PPP1R9A: variants seen among roughly 807,000 people sequenced by gnomAD.
PPP1R9A encodes protein phosphatase 1 regulatory subunit 9A, also known as neurabin-1.
PPP1R9A carries 59 observed loss-of-function variants against 141.9 expected under a neutral mutation model. The ratio of observed to expected loss-of-function variants is 0.42; its 90% CI spans 0.34 to 0.52. PPP1R9A has a LOEUF of 0.52. Ranked by LOEUF, PPP1R9A falls within the 20% of genes least tolerant of loss-of-function variation. The pLI is 0.10. For synonymous variants in PPP1R9A, 500 were observed against 569.7 expected, an observed-to-expected ratio of 0.88 and a Z score of 1.74; for missense variants, 1,444 against 1,611.9, an observed-to-expected ratio of 0.90 and a Z score of 1.78.
At chr7:95,069,660 G>A (rs1323650251) in intron 2 of PPP1R9A, among the ~76,000 whole-genome samples, 1 of 152,126 alleles carries the variant, frequency 6.6e-6, no homozygotes, top group Non-Finnish European at 1.5e-5. Flanking sequence ...AGTTAGATTA[G>A]TAGCAGTCAG....
intron 4 of PPP1R9A, among the ~76,000 whole-genome samples, chr7:95,124,579 T>G (rs1465444289): frequency 6.6e-6 from 1 of 152,114 alleles, no homozygotes; most frequent in Non-Finnish European, 1.5e-5. Flanking sequence ...CCCGAGGAAA[T>G]TACTTGTCAG....
chr7:94,921,931 C>G (rs1792891724), intron 2 of PPP1R9A, among the ~76,000 whole-genome samples: 1 of 151,922 alleles, frequency 6.6e-6, no homozygotes. Context: ...AGCCACCACA[C>G]TCCAGCCTGG....
intron 2 of PPP1R9A, among the ~76,000 whole-genome samples, chr7:95,056,673 A>G (rs1269930957): frequency 2.6e-5 from 4 of 152,142 alleles, no homozygotes; most frequent in Non-Finnish European, 5.9e-5. Flanking sequence ...GTGATAGTCA[A>G]GTTTGCCTGA....
In PPP1R9A at chr7:95,252,531, A is replaced by T. The variant is rs537399704; in HGVS notation, c.2665+401A>T. Among the ~76,000 whole-genome samples the T allele has an allele frequency of 1.2e-4, 17 of 144,682 alleles. No homozygotes were observed. In the South Asian group the frequency reaches 2.4e-3, roughly 20 times the overall value. The allele number at this position is 144,682 out of a possible 152,430, so 94.9% of individuals were successfully genotyped here. A position where few individuals can be genotyped will look rare whatever the true frequency, so the allele number is the denominator to read the frequency against. On this transcript the variant is annotated intron_variant, in intron 12 of 19. Transcript: ENST00000433360. The stretch of plus-strand genomic sequence containing the variant: ...CATCCAGGCTGGAGTACAGTGGTGC[A>T]ATCTCAGCTCACTACAACCTTCGCC...
At chr7:95,178,617 G>A (rs1012326650) in intron 5 of PPP1R9A, among the ~76,000 whole-genome samples, 1 of 152,016 alleles carries the variant, frequency 6.6e-6, no homozygotes, top group Non-Finnish European at 1.5e-5. Context: ...AAATAAAATT[G>A]ATAGACCATT....
intron 2 of PPP1R9A, among the ~76,000 whole-genome samples, chr7:95,082,339 G>C (rs553290176): frequency 6.6e-6 from 1 of 151,120 alleles, no homozygotes; most frequent in Non-Finnish European, 1.5e-5. Flanking sequence ...GAGCATGCTC[G>C]GAAAATACCT....
intron 2 of PPP1R9A, among the ~76,000 whole-genome samples, chr7:95,082,547 C>G (rs558913343): frequency 6.6e-6 from 1 of 151,886 alleles, no homozygotes; most frequent in East Asian, 1.9e-4. Flanking sequence ...GGAGACCAGC[C>G]TGGGCAACAT....
Position 95,243,710 on chromosome 7 carries a change from G to C in PPP1R9A, c.2113-3763G>C, listed in dbSNP as rs192120886. On this transcript the variant is annotated intron_variant, in intron 8 of 19. Transcript: ENST00000433360. ...GTTTCCGCTCCATCACCTGTTTCTA[G>C]TGGGAACTTGAAAAGGTGTGTGACT... 2.9e-3 allele frequency among the ~76,000 whole-genome samples: 447 copies of C among 152,230 alleles called. 2 individuals are homozygous for C. The highest frequency in any genetic ancestry group is 0.01 in the African/African-American group (416 of 41,542).
chr7:95,112,045 A>T (rs1207835404), intron 3 of PPP1R9A, among the ~76,000 whole-genome samples: 1 of 152,136 alleles, frequency 6.6e-6, no homozygotes, highest in African/African-American at 2.4e-5. Context: ...GCTTTGAAAA[A>T]AAAAAGAGTA....
chr7:95,155,971 G>A (rs1313238987), intron 4 of PPP1R9A: 1 of 152,178 alleles, frequency 6.6e-6, no homozygotes, highest in African/African-American at 2.4e-5. Flanking sequence ...CAAGATTCTT[G>A]GGATATTGTT....
intron 2 of PPP1R9A, among the ~76,000 whole-genome samples, chr7:95,095,581 G>C: frequency 6.6e-6 from 1 of 152,164 alleles, no homozygotes; most frequent in East Asian, 1.9e-4. Flanking sequence ...AGATTTAGCT[G>C]TATATTGACA....
intron 2 of PPP1R9A, among the ~76,000 whole-genome samples, chr7:94,998,423 T>C (rs1802456353): frequency 6.6e-6 from 1 of 152,204 alleles, no homozygotes; most frequent in Admixed American, 6.5e-5. Flanking sequence ...TTAAACTGTC[T>C]GGCTTATATG....
chr7:95,077,201 T>C (rs1481660407), intron 2 of PPP1R9A, among the ~76,000 whole-genome samples: 1 of 152,134 alleles, frequency 6.6e-6, no homozygotes, highest in Non-Finnish European at 1.5e-5. Flanking sequence ...TTATATCAAC[T>C]TCTTTTTATT....
intron 4 of PPP1R9A, among the ~76,000 whole-genome samples, chr7:95,137,696 G>A (rs1825917716): frequency 6.6e-6 from 1 of 152,054 alleles, no homozygotes; most frequent in South Asian, 2.1e-4. Context: ...TGTTGTTCTT[G>A]TTGTTTTTGG....
At chr7:94,958,996 T>C (rs546446014) in intron 2 of PPP1R9A, among the ~76,000 whole-genome samples, 176 of 152,102 alleles carry the variant, frequency 1.2e-3, no homozygotes, top group African/African-American at 4.0e-3. Context: ...CACTTGAATG[T>C]AGGAATAAAA....
At chr7:95,141,607 G>A (rs1216530059) in intron 4 of PPP1R9A, among the ~76,000 whole-genome samples, 1 of 149,804 alleles carries the variant, frequency 6.7e-6, no homozygotes, top group African/African-American at 2.5e-5. Flanking sequence ...TCATGTAAAT[G>A]GAATACAGTA....
intron 3 of PPP1R9A, among the ~76,000 whole-genome samples, chr7:95,116,385 G>C (rs1331780852): frequency 6.6e-6 from 1 of 151,986 alleles, no homozygotes. Flanking sequence ...AATTTGTGGA[G>C]GAAGAGGTTA....
Position 95,113,015 on chromosome 7 carries a change from A to T in PPP1R9A, c.1528+1624A>T, listed in dbSNP as rs555128185. ...GGTAAAGGTTACACTAAAAGCCCAGACTCACCACTATGTAATATATCCATA... is the reference window on the plus strand; with the variant it reads ...GGTAAAGGTTACACTAAAAGCCCAGTCTCACCACTATGTAATATATCCATA... On this transcript the variant is annotated intron_variant, in intron 3 of 19. Coordinates refer to ENST00000433360, the MANE Select transcript of PPP1R9A (RefSeq NM_001166160.2). Among the ~76,000 whole-genome samples the T allele has an allele frequency of 3.3e-5, 5 of 152,238 alleles. No individual in the cohort carries two copies. The South Asian group carries it at 1.0e-3, about 32-fold the overall frequency.
At position 95,089,510 on chromosome 7, in the gene PPP1R9A, A is replaced by G. The variant is rs145410681; in HGVS notation, c.1396-21749A>G. Reference sequence around the variant, plus strand: ...TAAGATTAGACCAGATATGGCAAATACGTTTCTTTTGTCCTTCCCTTAAAT... The same window carrying G: ...TAAGATTAGACCAGATATGGCAAATGCGTTTCTTTTGTCCTTCCCTTAAAT... On this transcript the variant is annotated intron_variant, in intron 2 of 19. Transcript: ENST00000433360. Among the ~76,000 whole-genome samples, 4 of 152,184 alleles carry G rather than the reference A, an allele frequency of 2.6e-5. No homozygotes were observed. The East Asian group carries it at 7.7e-4, about 29-fold the overall frequency.
Sources: allele counts gnomAD v4.1 joint callset (sites outside exome capture counted in the v4.1 genomes callset), GRCh38; gene constraint gnomAD v4.1.1; transcripts MANE v1.5; gene names NCBI Gene and HGNC (gene_info 2026-07-23, HGNC 2026-07-21).